PSIP1: variants seen among roughly 807,000 people sequenced by gnomAD.
The protein encoded by PSIP1 is PC4 and SFRS1-interacting protein.
PSIP1 carries 19 observed loss-of-function variants against 74.7 expected under a neutral mutation model. That is an observed-to-expected ratio of 0.25 (90% CI 0.18 to 0.37). The LOEUF (loss-of-function observed/expected upper bound fraction) is 0.37. Among genes scored for constraint, PSIP1 ranks in the 10% least tolerant of loss-of-function variants. The probability of loss-of-function intolerance (pLI) is 1.00; values close to 1 mark genes in which losing one functional copy is unlikely to be tolerated. For missense variants in PSIP1, 601 were observed against 614.3 expected, an observed-to-expected ratio of 0.98 and a Z score of 0.23; for synonymous variants, 222 against 195.3, an observed-to-expected ratio of 1.14 and a Z score of -1.14.
intron 8 of PSIP1, among the ~76,000 whole-genome samples, chr9:15,476,154 C>T (rs1322169487): frequency 6.6e-6 from 1 of 152,150 alleles, no homozygotes; most frequent in Non-Finnish European, 1.5e-5. Flanking sequence ...AGAGTAGTTA[C>T]AGCTCACACT....
intron 3 of PSIP1, among the ~76,000 whole-genome samples, chr9:15,500,537 C>G (rs2037293412): frequency 1.3e-5 from 2 of 152,028 alleles, no homozygotes; most frequent in Admixed American, 1.3e-4. Flanking sequence ...AGAAACCATA[C>G]AAGTCCCACA....
At chr9:15,505,834 C>G (rs1480916042) in intron 3 of PSIP1, 1 of 152,306 alleles carries the variant, frequency 6.6e-6, no homozygotes, top group East Asian at 1.9e-4. Context: ...ATACATAATT[C>G]TAATCAGAAT....
intron 4 of PSIP1, 64 bp from the exon 5 acceptor site, chr9:15,486,995 C>CCTG: frequency 9.3e-7 from 1 of 1,073,436 alleles, no homozygotes; most frequent in Non-Finnish European, 1.3e-6. Flanking sequence ...ATATACAATT[C>CCTG]TTTATTTTTA....
chr9:15,465,948 T>C (rs2035595588), intron 15 of PSIP1: 1 of 182,230 alleles, frequency 5.5e-6, no homozygotes, highest in African/African-American at 2.4e-5. Flanking sequence ...GAGAGGTTGA[T>C]ACACACATAG....
intron 8 of PSIP1, among the ~76,000 whole-genome samples, chr9:15,476,794 C>A (rs1008626022): frequency 2.6e-5 from 4 of 152,122 alleles, no homozygotes; most frequent in Non-Finnish European, 4.4e-5. Flanking sequence ...AAAAGTGACA[C>A]CAGACTCCAT....
At chr9:15,482,069 C>T (rs558789664) in intron 6 of PSIP1, among the ~76,000 whole-genome samples, 161 of 152,206 alleles carry the variant, frequency 1.1e-3, no homozygotes, top group South Asian at 9.8e-3. Flanking sequence ...ATTTTCTCTT[C>T]ATTTTTTACC....
chr9:15,472,634 C>G lies in PSIP1; in HGVS notation c.975G>C (p.Glu325Asp), dbSNP rs761514208. The G allele has an allele frequency of 8.8e-6, 14 of 1,584,824 alleles. No homozygotes were observed. The highest frequency in any genetic ancestry group is 1.2e-5 in the Non-Finnish European group (14 of 1,172,496). ...TTTAGAAAAAAAAAAATACTTACTG[C>G]TCAGTTTCCATTTGTTCCTCTTGCT... is the stretch of plus-strand genomic sequence containing the variant. ...KRKQEEQMET[E>D]QQNKDEGKKP... is the part of the protein sequence containing the mutation. The change falls in exon 10 of 16, where the codon GAG becomes GAC. Residue 325 changes from glutamate to aspartate, a missense_variant and splice_region_variant. By Grantham distance (45) the Glu-to-Asp change is conservative. Transcript: ENST00000380733.
At chr9:15,502,367 G>C (rs1008764054) in intron 3 of PSIP1, among the ~76,000 whole-genome samples, 3 of 152,088 alleles carry the variant, frequency 2.0e-5, no homozygotes, top group African/African-American at 7.2e-5. Context: ...CATGGATACA[G>C]AACCCACAGA....
chr9:15,489,608 C>CAAAAAAAAAAAAAAAAAAA (rs1278277874), intron 4 of PSIP1, among the ~76,000 whole-genome samples: 2 of 45,546 alleles, frequency 4.4e-5, no homozygotes, highest in Non-Finnish European at 1.0e-4. Flanking sequence ...AACTACACCT[C>CAAAAAAAAAAAAAAAAAAA]AAAAAAAAAA....
rs546215936 is a variant in PSIP1 at position 15,472,221 on chromosome 9, G to T, written c.977+411C>A. ...TTCCAAATGTGCTTTTGTTACTTTTGCTGGTCTTTAGGGTGAGGCCTGCTT... is the reference window on the plus strand; with the variant it reads ...TTCCAAATGTGCTTTTGTTACTTTTTCTGGTCTTTAGGGTGAGGCCTGCTT... On this transcript the variant is annotated intron_variant, in intron 10 of 15. Coordinates refer to ENST00000380733, the MANE Select transcript of PSIP1 (RefSeq NM_033222.5). The T allele has an allele frequency of 1.6e-3, 1,548 of 988,790 alleles. 1 individual carries two copies. Among genetic ancestry groups the T allele is most frequent in the Non-Finnish European group, 1.8e-3 (1,497 of 832,544 alleles). 61.3% of individuals were successfully genotyped at this position (988,790 alleles called of 1,614,324 possible).
chr9:15,495,983 T>A (rs924490870), intron 3 of PSIP1, among the ~76,000 whole-genome samples: 3 of 152,198 alleles, frequency 2.0e-5, no homozygotes, highest in Non-Finnish European at 4.4e-5. Context: ...TGTTGACCAA[T>A]TTCCTTGTTT....
chr9:15,480,819 C>T (rs2036303946), intron 6 of PSIP1, among the ~76,000 whole-genome samples: 2 of 152,118 alleles, frequency 1.3e-5, no homozygotes, highest in Non-Finnish European at 2.9e-5. Flanking sequence ...ACATAGGAAA[C>T]TGAGGCAGGA....
intron 10 of PSIP1, chr9:15,471,454 A>G: frequency 7.1e-7 from 1 of 1,413,292 alleles, no homozygotes; most frequent in Non-Finnish European, 9.3e-7. Context: ...GGGTTGGGCT[A>G]CATATACTAG....
chr9:15,480,467 C>G (rs368898117), intron 6 of PSIP1, among the ~76,000 whole-genome samples: 1 of 152,134 alleles, frequency 6.6e-6, no homozygotes, highest in African/African-American at 2.4e-5. Flanking sequence ...TTAAAAATTG[C>G]CTTTTCATCA....
At chr9:15,469,891 C>G (rs145910924) in intron 11 of PSIP1, 47 bp downstream of exon 11, 2 of 1,488,004 alleles carry the variant, frequency 1.3e-6, no homozygotes, top group South Asian at 1.1e-5. Flanking sequence ...TATATAACTT[C>G]TTTTCCATGT....
At chr9:15,509,702 T>G (rs2132258476) in intron 2 of PSIP1, among the ~76,000 whole-genome samples, 1 of 152,306 alleles carries the variant, frequency 6.6e-6, no homozygotes, top group East Asian at 1.9e-4. Context: ...CATACGCACT[T>G]CTCTGACATC....
Position 15,474,033 on chromosome 9 carries a change from T to G in PSIP1, c.834A>C (p.Glu278Asp). ...CCTTTTCACCTTCTTGATCATCTCC[T>G]TCTTCTTCAGAATCGGAGGTTGAAG... is the stretch of plus-strand genomic sequence containing the variant. ...GVTSTSDSEE[E>D]GDDQEGEKKR... Residue 278 changes from glutamate (E) to aspartate (D), a missense_variant, in exon 9 of 16, where the codon GAA becomes GAC. By Grantham distance (45) the Glu-to-Asp change is conservative. This residue lies in a region of PSIP1 where 538 missense variants were observed against 507.6 expected (regional missense o/e 1.06). Coordinates refer to ENST00000380733, the MANE Select transcript of PSIP1 (RefSeq NM_033222.5). The G allele has an allele frequency of 6.2e-7, 1 of 1,612,858 alleles. No homozygotes were observed. The highest frequency in any genetic ancestry group is 8.5e-7 in the Non-Finnish European group (1 of 1,179,414).
chr9:15,506,922 G>A (rs899801791), intron 2 of PSIP1, among the ~76,000 whole-genome samples: 3 of 152,146 alleles, frequency 2.0e-5, no homozygotes, highest in African/African-American at 7.2e-5. Flanking sequence ...ATTATTATGT[G>A]CTATTCCAGA....
chr9:15,470,109 C>T (rs2035763712), intron 10 of PSIP1, 116 bp from the exon 11 acceptor site: 1 of 753,570 alleles, frequency 1.3e-6, no homozygotes, highest in African/African-American at 1.7e-5. Flanking sequence ...GCCTAGACTG[C>T]AAAGGAACTG....
Sources: allele counts gnomAD v4.1 joint callset (sites outside exome capture counted in the v4.1 genomes callset), GRCh38; gene constraint gnomAD v4.1.1; regional missense constraint gnomAD v4.1.1; transcripts MANE v1.5; gene names NCBI Gene and HGNC (gene_info 2026-07-23, HGNC 2026-07-21).